IL17B: variants seen among roughly 807,000 people sequenced by gnomAD.
The protein encoded by IL17B is interleukin 17B.
IL17B carries 14 observed loss-of-function variants against 14.7 expected under a neutral mutation model. That is an observed-to-expected ratio of 0.95 (90% CI 0.63 to 1.49). IL17B has a LOEUF of 1.49. Ranked by LOEUF, IL17B falls within the 40% of genes most tolerant of loss-of-function variation. The pLI, the probability that IL17B is intolerant of heterozygous loss-of-function variation, is 0.00. For synonymous variants in IL17B, 105 were observed against 94.8 expected, an observed-to-expected ratio of 1.11 and a Z score of -0.62; for missense variants, 233 against 252.8, an observed-to-expected ratio of 0.92 and a Z score of 0.53.
chr5:149,374,332 G>A lies in IL17B; in HGVS notation c.*37C>T. 1 of 1,521,126 alleles carries A rather than the reference G, an allele frequency of 6.6e-7. No homozygotes were observed. Among genetic ancestry groups the A allele is most frequent in the Non-Finnish European group, 8.9e-7 (1 of 1,129,378 alleles). 94.2% of individuals were successfully genotyped at this position (1,521,126 alleles called of 1,614,324 possible). Reference sequence around the variant, plus strand: ...TTGGCACAAAGGTGCAAGGAGGATGGTCTCGGGCTGCTGGCCTGGCTTCTG... The same window carrying A: ...TTGGCACAAAGGTGCAAGGAGGATGATCTCGGGCTGCTGGCCTGGCTTCTG... On this transcript the variant is annotated 3_prime_UTR_variant, in exon 3 of 3. Coordinates refer to ENST00000261796, the MANE Select transcript of IL17B (RefSeq NM_014443.3). This position sits in a 1 kb window ranked among gnomAD's most constrained non-coding sequence, Gnocchi z 5.0.
chr5:149,376,567 G>A (rs1176694291), intron 2 of IL17B, among the ~76,000 whole-genome samples, 169 bp downstream of exon 2: 1 of 152,220 alleles, frequency 6.6e-6, no homozygotes, highest in Non-Finnish European at 1.5e-5. Flanking sequence ...CTGAGGCCCA[G>A]AAAGGCTAAT....
intron 1 of IL17B, among the ~76,000 whole-genome samples, chr5:149,378,142 C>CA (rs1003255301): frequency 4.0e-5 from 6 of 151,066 alleles, no homozygotes; most frequent in Non-Finnish European, 7.4e-5. Flanking sequence ...AGACTCCTCT[C>CA]AAAAAAAAGA....
chr5:149,402,689 T>TAAAAAAAA (rs370816490), intron 1 of IL17B, among the ~76,000 whole-genome samples: 1 of 139,186 alleles, frequency 7.2e-6, no homozygotes, highest in Non-Finnish European at 1.5e-5. Flanking sequence ...ACCATGCTTT[T>TAAAAAAAA]AAAAAAAAAA....
chr5:149,404,069 A>T (rs1468155985), intron 1 of IL17B: 4 of 152,068 alleles, frequency 2.6e-5, no homozygotes, highest in African/African-American at 9.7e-5. Context: ...CCTAACAGGA[A>T]CCTCCCTTCA....
At chr5:149,379,153 A>G in intron 1 of IL17B, 52 bp downstream of exon 1, 2 of 1,610,650 alleles carry the variant, frequency 1.2e-6, no homozygotes, top group South Asian at 1.1e-5. Flanking sequence ...AAAAACTGAC[A>G]TATTTGGGCT....
chr5:149,397,518 A>T (rs1297691196), intron 1 of IL17B, among the ~76,000 whole-genome samples: 1 of 152,180 alleles, frequency 6.6e-6, no homozygotes, highest in African/African-American at 2.4e-5. Flanking sequence ...ACACTTCACT[A>T]TCATGGCCTT....
Position 149,379,208 on chromosome 5 carries a change from G to A in IL17B, c.18C>T (p.Asn6=). The A allele has an allele frequency of 6.2e-7, 1 of 1,614,064 alleles. No homozygotes were observed. Among genetic ancestry groups the A allele is most frequent in the Non-Finnish European group, 8.5e-7 (1 of 1,179,974 alleles). Residue 6 remains asparagine (N), a synonymous_variant, in exon 1 of 3, where the codon AAC becomes AAT. Transcript: ENST00000261796. ...GCGGCAGGGAAGCGCCACGTACCAG[G>A]TTGTGAGGCCAGTCCATTCCGCCAA... MDWPH[N]LLFLLTISIF...
At position 149,374,650 on chromosome 5, in the gene IL17B, C is replaced by A. The variant is rs1208035642; in HGVS notation, c.312-50G>T. On this transcript the variant is annotated intron_variant, in intron 2 of 2. Transcript: ENST00000261796. The surrounding 1 kb of genome is among the most constrained non-coding windows in gnomAD (Gnocchi z 5.0). ...GAGCGGAAGGTGATCAGGAAAGGGC[C>A]AGTCAGCACCCATACTCCACACCCC... 2.8e-6 allele frequency: 4 copies of A among 1,431,828 alleles called. No individual in the cohort carries two copies. The highest frequency in any genetic ancestry group is 3.6e-5 in the Admixed American group (2 of 55,336). The allele number at this position is 1,431,828 out of a possible 1,614,324, so 88.7% of individuals were successfully genotyped here. A position where few individuals can be genotyped will look rare whatever the true frequency, so the allele number is the denominator to read the frequency against.
At chr5:149,393,673 C>CCTTCCTTCCTTCTTTTTTTT (rs1759033483) in intron 1 of IL17B, among the ~76,000 whole-genome samples, 4 of 152,248 alleles carry the variant, frequency 2.6e-5, no homozygotes, top group Admixed American at 2.6e-4. Context: ...TCTCTTCCTC[C>CCTTCCTTCCTTCTTTTTTTT]CTTCCTTCCT....
upstream of IL17B, among the ~76,000 whole-genome samples, chr5:149,381,487 C>T (rs61433829): frequency 0.12 from 18,186 of 152,264 alleles, 1,393 homozygotes; most frequent in African/African-American, 0.22. Flanking sequence ...AGCAGAACTC[C>T]GTCTCCTAAG....
chr5:149,401,279 T>G (rs1388118814), intron 1 of IL17B, among the ~76,000 whole-genome samples: 2 of 152,380 alleles, frequency 1.3e-5, no homozygotes, highest in South Asian at 4.1e-4. Context: ...ATTGCTTTCC[T>G]GCACATGGAC....
intron 1 of IL17B, among the ~76,000 whole-genome samples, chr5:149,398,777 G>T (rs574797682): frequency 6.6e-6 from 1 of 152,288 alleles, no homozygotes; most frequent in South Asian, 2.1e-4. Context: ...ATGGTGGCAG[G>T]CACCTGTAAT....
intron 1 of IL17B, among the ~76,000 whole-genome samples, chr5:149,400,395 T>C (rs6865032): frequency 0.016 from 2,408 of 152,290 alleles, 59 homozygotes; most frequent in African/African-American, 0.056. Flanking sequence ...CTGACACTTA[T>C]CTCGGACTTC....
intron 1 of IL17B, among the ~76,000 whole-genome samples, chr5:149,387,590 G>A (rs554102291): frequency 4.6e-5 from 7 of 152,072 alleles, no homozygotes; most frequent in South Asian, 2.1e-4. Flanking sequence ...GCAACATAGC[G>A]AGATCCTCGT....
intron 1 of IL17B, among the ~76,000 whole-genome samples, chr5:149,402,961 C>T (rs1389599716): frequency 5.8e-5 from 8 of 139,066 alleles, no homozygotes; most frequent in African/African-American, 2.2e-4. Context: ...CGGGATCGCA[C>T]CATTGCACTC....
chr5:149,383,609 G>A (rs559437281), upstream of IL17B, among the ~76,000 whole-genome samples: 1 of 152,254 alleles, frequency 6.6e-6, no homozygotes, highest in South Asian at 2.1e-4. Context: ...ACAAATGCTT[G>A]CCTCGCTGCT....
At chr5:149,400,794 C>T (rs1759189699) in intron 1 of IL17B, among the ~76,000 whole-genome samples, 1 of 152,196 alleles carries the variant, frequency 6.6e-6, no homozygotes, top group South Asian at 2.1e-4. Context: ...AGGGCTGGAG[C>T]CAGGGGTGCC....
rs10075916 is a variant in IL17B, at chr5:149,402,774, C to T, written n.95+1334G>A. Among the ~76,000 whole-genome samples the T allele has an allele frequency of 4.8e-4, 72 of 150,490 alleles. 1 individual carries two copies. In the Middle Eastern group the frequency reaches 0.011, roughly 22 times the overall value. On this transcript the variant is annotated intron_variant and non_coding_transcript_variant, in intron 1 of 2. Coordinates refer to the IL17B transcript ENST00000505432. Reference sequence around the variant, plus strand: ...ATCTCAGCACTTTGAGAGGCCGAGGCGGGCGGATCACAAGGTCAGGAGATC... The same window carrying T: ...ATCTCAGCACTTTGAGAGGCCGAGGTGGGCGGATCACAAGGTCAGGAGATC...
chr5:149,393,613 T>G (rs1381908230), intron 1 of IL17B, among the ~76,000 whole-genome samples: 2 of 152,368 alleles, frequency 1.3e-5, no homozygotes, highest in East Asian at 1.9e-4. Flanking sequence ...TAATTATTTT[T>G]GGGCATATTT....
Sources: gnomAD v4.1 joint callset for allele counts (sites outside exome capture counted in the v4.1 genomes callset) on GRCh38, gnomAD v4.1.1 for gene constraint, Gnocchi (gnomAD v3.1) non-coding constraint, MANE v1.5 for transcripts, NCBI Gene and HGNC (gene_info 2026-07-23, HGNC 2026-07-21) for gene names.